The following PABPC4L variants were observed in gnomAD, a reference collection of about 807,000 sequenced individuals.
PABPC4L encodes the protein poly(A) binding protein cytoplasmic 4 like.
For missense variants in PABPC4L, 452 were observed against 451.4 expected (o/e 1.00, Z -0.01); for synonymous variants, 169 against 164.1 (o/e 1.03, Z -0.23).
At chr4:134,058,222 G>T in the PABPC4L span, among the ~76,000 whole-genome samples, 1 of 151,926 alleles carries the variant, frequency 6.6e-6, no homozygotes, top group African/African-American at 2.4e-5. Context: ...ATAGAATTTT[G>T]AAGATAAAAC....
At chr4:134,120,587 A>G in the PABPC4L span, among the ~76,000 whole-genome samples, 68,344 of 150,644 alleles carry the variant, frequency 0.45, 17,986 homozygotes, top group East Asian at 0.98. Flanking sequence ...CTTTATTATA[A>G]CATCATTTTT....
chr4:133,996,376 G>T, the PABPC4L span, among the ~76,000 whole-genome samples: 3 of 152,060 alleles, frequency 2.0e-5, no homozygotes. Flanking sequence ...GAGAACCATG[G>T]GTTATGGGAA....
At chr4:134,090,611 A>G in the PABPC4L span, among the ~76,000 whole-genome samples, 2 of 152,096 alleles carry the variant, frequency 1.3e-5, no homozygotes, top group Middle Eastern at 3.4e-3. Flanking sequence ...AAATAATTTT[A>G]AAAATTAACC....
chr4:134,030,475 A>G, the PABPC4L span, among the ~76,000 whole-genome samples: 1 of 152,088 alleles, frequency 6.6e-6, no homozygotes, highest in East Asian at 1.9e-4. Context: ...ACTGTCTTAC[A>G]GAAGAAATCA....
At chr4:134,050,835 C>G in the PABPC4L span, among the ~76,000 whole-genome samples, 3 of 149,592 alleles carry the variant, frequency 2.0e-5, no homozygotes, top group Non-Finnish European at 4.4e-5. Flanking sequence ...AGAAAAATCA[C>G]AGACGTGGCC....
the PABPC4L span, among the ~76,000 whole-genome samples, chr4:133,957,247 T>C: frequency 6.6e-6 from 1 of 152,146 alleles, no homozygotes; most frequent in Admixed American, 6.5e-5. Context: ...AATATACCCA[T>C]TCCAAATGGG....
chr4:134,191,036 T>G, the PABPC4L span, among the ~76,000 whole-genome samples: 7 of 152,162 alleles, frequency 4.6e-5, no homozygotes, highest in African/African-American at 9.7e-5. Flanking sequence ...AGTTATATAT[T>G]CTTCTTGATC....
the PABPC4L span, among the ~76,000 whole-genome samples, chr4:134,180,759 T>G: frequency 6.6e-6 from 1 of 151,716 alleles, no homozygotes; most frequent in Admixed American, 6.6e-5. Context: ...AACCTCTGTG[T>G]ACACAAGCTA....
downstream of PABPC4L, among the ~76,000 whole-genome samples, chr4:134,194,301 T>G (rs1729595458): frequency 6.6e-6 from 1 of 151,818 alleles, no homozygotes; most frequent in Non-Finnish European, 1.5e-5. Context: ...TTCTAGGCAC[T>G]GAGAATAGTT....
chr4:134,153,586 T>C, the PABPC4L span, among the ~76,000 whole-genome samples: 1 of 152,058 alleles, frequency 6.6e-6, no homozygotes, highest in Non-Finnish European at 1.5e-5. Flanking sequence ...TTTGGATACT[T>C]TTCCTCCCCA....
the PABPC4L span, among the ~76,000 whole-genome samples, chr4:134,141,946 A>T: frequency 6.6e-6 from 1 of 151,766 alleles, no homozygotes; most frequent in African/African-American, 2.4e-5. Context: ...TTTGAAAAAT[A>T]ACTGTCTGGC....
chr4:134,019,397 G>A, the PABPC4L span, among the ~76,000 whole-genome samples: 1 of 152,042 alleles, frequency 6.6e-6, no homozygotes, highest in Non-Finnish European at 1.5e-5. Context: ...ATATAAAAAT[G>A]CCTCTTTATA....
the PABPC4L span, among the ~76,000 whole-genome samples, chr4:134,147,900 C>T: frequency 2.0e-4 from 30 of 152,014 alleles, 1 homozygote; most frequent in Non-Finnish European, 4.1e-4. Flanking sequence ...GCATTACAAT[C>T]GGCTATCACA....
the PABPC4L span, among the ~76,000 whole-genome samples, chr4:134,032,998 T>A: frequency 6.7e-6 from 1 of 150,074 alleles, no homozygotes; most frequent in East Asian, 2.0e-4. Context: ...TGCAGTTTGC[T>A]TTATTGCATG....
At chr4:134,194,411 A>C (rs1021085623), downstream of PABPC4L, among the ~76,000 whole-genome samples, 1 of 151,734 alleles carries the variant, frequency 6.6e-6, no homozygotes, top group Non-Finnish European at 1.5e-5. Flanking sequence ...TTTTCCTTGA[A>C]AAACAACCTC....
intron 1 of PABPC4L, 110 bp from the exon 2 acceptor site, chr4:134,201,355 G>A: frequency 8.6e-7 from 1 of 1,168,632 alleles, no homozygotes. Context: ...CTCCACAGAC[G>A]CCCTGGTCGC....
At chr4:134,086,675 G>C in the PABPC4L span, among the ~76,000 whole-genome samples, 1 of 151,178 alleles carries the variant, frequency 6.6e-6, no homozygotes, top group East Asian at 1.9e-4. Context: ...GACCTATGTG[G>C]CACCTCCAGG....
chr4:134,096,116 A>G, the PABPC4L span, among the ~76,000 whole-genome samples: 1 of 151,992 alleles, frequency 6.6e-6, no homozygotes, highest in African/African-American at 2.4e-5. Context: ...GCACACTATC[A>G]GTGTTCAATG....
At chr4:134,084,035 T>C in the PABPC4L span, among the ~76,000 whole-genome samples, 3 of 152,138 alleles carry the variant, frequency 2.0e-5, no homozygotes, top group African/African-American at 7.2e-5. Context: ...TAATTTTGTG[T>C]CTAATGTTAC....
Sources: gnomAD v4.1 joint callset for allele counts (sites outside exome capture counted in the v4.1 genomes callset) on GRCh38, gnomAD v4.1.1 for gene constraint, MANE v1.5 for transcripts, NCBI Gene and HGNC (gene_info 2026-07-23, HGNC 2026-07-21) for gene names.